The following DLG2 variants were observed in gnomAD, a reference collection of about 807,000 sequenced individuals.
The protein encoded by DLG2 is disks large homolog 2.
Under a neutral mutation model 132.5 loss-of-function variants are expected in DLG2, and 45 were observed. That is an observed-to-expected ratio of 0.34 (90% CI 0.27 to 0.44). The LOEUF is 0.44. DLG2 is among the 20% of genes least tolerant of loss of function. The probability of loss-of-function intolerance (pLI) is 1.00; values close to 1 mark genes in which losing one functional copy is unlikely to be tolerated. For synonymous variants in DLG2, 424 were observed against 419.6 expected, an observed-to-expected ratio of 1.01 and a Z score of -0.13; for missense variants, 1,045 against 1,196.9, an observed-to-expected ratio of 0.87 and a Z score of 1.87.
intron 10 of DLG2, among the ~76,000 whole-genome samples, chr11:84,061,851 C>CAAAA (rs58817248): frequency 7.4e-6 from 1 of 136,008 alleles, no homozygotes; most frequent in Admixed American, 7.3e-5. Context: ...CTCTGATTGA[C>CAAAA]AAAAAAAAAA....
intron 7 of DLG2, chr11:84,317,108 C>T (rs377327814): frequency 3.9e-5 from 63 of 1,612,660 alleles, no homozygotes; most frequent in Admixed American, 1.2e-4. Flanking sequence ...ATCGGACCCC[C>T]GGCTGCAGCT....
intron 14 of DLG2, among the ~76,000 whole-genome samples, chr11:83,956,298 C>A (rs1412690759): frequency 3.3e-5 from 5 of 152,190 alleles, no homozygotes; most frequent in Non-Finnish European, 7.3e-5. Flanking sequence ...ACCTTGCCAC[C>A]ACCAGAGGAG....
chr11:84,590,465 T>C (rs1035908425), intron 6 of DLG2, among the ~76,000 whole-genome samples: 2 of 152,194 alleles, frequency 1.3e-5, no homozygotes, highest in East Asian at 1.9e-4. Context: ...TGCTTTGTAA[T>C]AGGCAGGCAC....
At chr11:84,724,774 A>G (rs2062213411) in intron 6 of DLG2, among the ~76,000 whole-genome samples, 1 of 152,172 alleles carries the variant, frequency 6.6e-6, no homozygotes, top group African/African-American at 2.4e-5. Context: ...TTTCAATCAC[A>G]AATGTTTATT....
intron 6 of DLG2, among the ~76,000 whole-genome samples, chr11:84,664,415 C>G (rs879744273): frequency 2.1e-4 from 32 of 152,236 alleles, no homozygotes; most frequent in Non-Finnish European, 3.8e-4. Flanking sequence ...AAGTTAGTAA[C>G]TACACTTATA....
chr11:84,964,790 G>T (rs752997452), intron 6 of DLG2, among the ~76,000 whole-genome samples: 2 of 151,998 alleles, frequency 1.3e-5, no homozygotes, highest in African/African-American at 4.8e-5. Flanking sequence ...AGCTACAGGA[G>T]CCTACCCCAG....
rs2082924541 is a variant in DLG2 at position 83,942,674 on chromosome 11, T to G, written c.1341-12191A>C. ...AGTTACCAACATGTTAATAGTGCTT[T>G]CTCTGAATGGCGGGATTATGGGTAC... On this transcript the variant is annotated intron_variant, in intron 14 of 27. Transcript: ENST00000376104. 2.0e-5 allele frequency among the ~76,000 whole-genome samples: 3 copies of G among 152,262 alleles called. No individual in the cohort carries two copies. In the South Asian group the frequency reaches 6.2e-4, roughly 31 times the overall value.
chr11:83,661,573 G>C (rs1591953151), intron 18 of DLG2, among the ~76,000 whole-genome samples: 1 of 151,932 alleles, frequency 6.6e-6, no homozygotes, highest in East Asian at 1.9e-4. Flanking sequence ...TTTTTGGTTA[G>C]AAACAGCAAC....
chr11:83,612,282 G>A (rs1346398451), intron 19 of DLG2, among the ~76,000 whole-genome samples: 1 of 152,182 alleles, frequency 6.6e-6, no homozygotes, highest in Non-Finnish European at 1.5e-5. Context: ...ATTTAGAACA[G>A]GCTTCTCAAC....
intron 8 of DLG2, among the ~76,000 whole-genome samples, chr11:84,230,667 G>GATC (rs142732342): frequency 6.6e-6 from 1 of 152,140 alleles, no homozygotes; most frequent in East Asian, 1.9e-4. Flanking sequence ...TATGGAAAGC[G>GATC]GATGAATAAG....
chr11:84,951,297 C>A (rs1277272826), intron 6 of DLG2, among the ~76,000 whole-genome samples: 1 of 152,098 alleles, frequency 6.6e-6, no homozygotes, highest in East Asian at 1.9e-4. Context: ...AAAGATGAGA[C>A]ATGAAGTTTT....
At chr11:85,523,205 T>C (rs1026575803) in intron 3 of DLG2, among the ~76,000 whole-genome samples, 2 of 152,192 alleles carry the variant, frequency 1.3e-5, no homozygotes, top group African/African-American at 4.8e-5. Context: ...TTTTTCCCAC[T>C]TCACTCTGTA....
chr11:83,953,579 T>C (rs2086043236), intron 14 of DLG2, among the ~76,000 whole-genome samples: 1 of 152,170 alleles, frequency 6.6e-6, no homozygotes, highest in Non-Finnish European at 1.5e-5. Flanking sequence ...GGACCACTGA[T>C]ATATGAGATG....
intron 7 of DLG2, among the ~76,000 whole-genome samples, chr11:84,418,482 T>C (rs2098937457): frequency 6.6e-6 from 1 of 152,210 alleles, no homozygotes; most frequent in Admixed American, 6.5e-5. Flanking sequence ...AGAAATGAAG[T>C]ACAGAGTCAT....
chr11:85,413,563 G>A (rs1226568675), intron 3 of DLG2, among the ~76,000 whole-genome samples: 2 of 151,752 alleles, frequency 1.3e-5, no homozygotes, highest in African/African-American at 4.8e-5. Flanking sequence ...CTTAATCCAT[G>A]GTGAGTTGAT....
chr11:85,035,895 T>G (rs190854157), intron 6 of DLG2, among the ~76,000 whole-genome samples: 36 of 152,340 alleles, frequency 2.4e-4, no homozygotes, highest in Admixed American at 7.2e-4. Context: ...AATATGTTTA[T>G]TTCTAAATAT....
At position 85,133,136 on chromosome 11, in the gene DLG2, G is replaced by T. The variant is rs149647263; in HGVS notation, c.283-21401C>A. ...GCACAGTTCTATCGTTGCGATGAGTGTAACACCAAGCACCAGGGAATCACA... is the reference window on the plus strand; with the variant it reads ...GCACAGTTCTATCGTTGCGATGAGTTTAACACCAAGCACCAGGGAATCACA... On this transcript the variant is annotated intron_variant, in intron 5 of 27. Transcript: ENST00000376104. 1.6e-3 allele frequency: 333 copies of T among 206,862 alleles called. 1 individual carries two copies. Among genetic ancestry groups the T allele is most frequent in the African/African-American group, 7.3e-3 (324 of 44,688 alleles). The allele number at this position is 206,862 out of a possible 1,614,324, so 12.8% of individuals were successfully genotyped here.
At chr11:84,614,013 C>A (rs1298907712) in intron 6 of DLG2, among the ~76,000 whole-genome samples, 3 of 152,196 alleles carry the variant, frequency 2.0e-5, no homozygotes, top group African/African-American at 7.2e-5. Context: ...GATATGAACA[C>A]ATTTGACCAA....
intron 10 of DLG2, among the ~76,000 whole-genome samples, chr11:84,082,705 T>C (rs1387697402): frequency 6.6e-6 from 1 of 152,160 alleles, no homozygotes; most frequent in Non-Finnish European, 1.5e-5. Context: ...GTGAGAAGAA[T>C]ATGGATTTTG....
Sources: gnomAD v4.1 joint callset for allele counts (sites outside exome capture counted in the v4.1 genomes callset) on GRCh38, gnomAD v4.1.1 for gene constraint, MANE v1.5 for transcripts, NCBI Gene and HGNC (gene_info 2026-07-23, HGNC 2026-07-21) for gene names.